Variants in HTR2C observed in about 807,000 individuals in gnomAD.
HTR2C encodes the protein 5-hydroxytryptamine (serotonin) receptor 2C, G protein-coupled.
A neutral mutation model predicts 21.0 loss-of-function variants in HTR2C; 5 were observed. The ratio of observed to expected loss-of-function variants is 0.24; its 90% confidence interval spans 0.12 to 0.50. The LOEUF (loss-of-function observed/expected upper bound fraction) is 0.50. HTR2C is among the 20% of genes least tolerant of loss of function. HTR2C has a pLI of 0.98. For synonymous variants in HTR2C, 150 were observed against 145.3 expected, an observed-to-expected ratio of 1.03 and a Z score of -0.23; for missense variants, 271 against 371.2, an observed-to-expected ratio of 0.73 and a Z score of 2.22.
intron 5 of HTR2C, among the ~76,000 whole-genome samples, chrX:114,891,999 G>T (rs1482910259): frequency 9.0e-6 from 1 of 110,571 alleles, no homozygotes; most frequent in Non-Finnish European, 1.9e-5. Flanking sequence ...AAACATCCTT[G>T]CATTCTTGGG....
chrX:114,847,992 T>C lies in HTR2C; in HGVS notation c.350-11T>C. 1 of 1,185,918 alleles carries C rather than the reference T, an allele frequency of 8.4e-7. No individual in the cohort carries two copies. The highest frequency in any genetic ancestry group is 1.1e-6 in the Non-Finnish European group (1 of 872,995). ...ATGACGTGTTCTTGTCTTCTCTCTGTTCTCTTTCAGATTATGTCTGGCCAC... is the reference window on the plus strand; with the variant it reads ...ATGACGTGTTCTTGTCTTCTCTCTGCTCTCTTTCAGATTATGTCTGGCCAC... On this transcript the variant is annotated splice_polypyrimidine_tract_variant and intron_variant, in intron 4 of 5. Transcript: ENST00000276198.
chrX:114,627,772 A>G (rs1332793880), intron 2 of HTR2C, among the ~76,000 whole-genome samples: 2 of 112,073 alleles, frequency 1.8e-5, no homozygotes, highest in Non-Finnish European at 3.8e-5. Context: ...TAATTTTTTC[A>G]CAAGGATATA....
At chrX:114,737,466 C>T (rs2069602742) in intron 4 of HTR2C, among the ~76,000 whole-genome samples, 1 of 110,705 alleles carries the variant, frequency 9.0e-6, no homozygotes, top group South Asian at 3.8e-4. Context: ...GTGATCCGCC[C>T]GCCTCAGTCT....
chrX:114,599,885 A>G (rs1178711358), intron 1 of HTR2C, among the ~76,000 whole-genome samples: 1 of 111,952 alleles, frequency 8.9e-6, no homozygotes, highest in East Asian at 2.8e-4. Context: ...TGAATTTTCT[A>G]TTTACTCAAA....
In HTR2C at chrX:114,819,821, G is replaced by T. The variant is rs1556455668; in HGVS notation, c.350-28182G>T. ...TTTAATATCACTTGTTTTGAGACCA[G>T]TGCTTGTTTAGCTGCTAGAGAAAAA... On this transcript the variant is annotated intron_variant, in intron 4 of 5. Transcript: ENST00000276198. 2.7e-5 allele frequency among the ~76,000 whole-genome samples: 3 copies of T among 112,528 alleles called. No individual in the cohort carries two copies. The East Asian group carries it at 8.4e-4, about 31-fold the overall frequency.
At chrX:114,879,548 C>G (rs1212405931) in intron 5 of HTR2C, among the ~76,000 whole-genome samples, 1 of 109,633 alleles carries the variant, frequency 9.1e-6, no homozygotes, top group African/African-American at 3.3e-5. Context: ...TTTTGGTGCA[C>G]CCATCACCCA....
intron 4 of HTR2C, among the ~76,000 whole-genome samples, chrX:114,838,110 T>G (rs1487684773): frequency 2.7e-5 from 3 of 111,685 alleles, no homozygotes; most frequent in African/African-American, 9.7e-5. Flanking sequence ...GAAGAACTCT[T>G]GTTTTTTCTG....
intron 2 of HTR2C, among the ~76,000 whole-genome samples, chrX:114,623,014 G>A: frequency 9.0e-6 from 1 of 111,130 alleles, no homozygotes; most frequent in South Asian, 3.8e-4. Flanking sequence ...ACTTAATAGG[G>A]TTTAAAAAAA....
chrX:114,788,781 T>G (rs782220063), intron 4 of HTR2C, among the ~76,000 whole-genome samples: 1 of 110,416 alleles, frequency 9.1e-6, no homozygotes, highest in Admixed American at 9.7e-5. Context: ...CCTGGGTAGC[T>G]GGGACTACAG....
At chrX:114,854,683 A>G (rs1423469948) in intron 5 of HTR2C, among the ~76,000 whole-genome samples, 2 of 111,801 alleles carry the variant, frequency 1.8e-5, no homozygotes, top group Non-Finnish European at 3.8e-5. Context: ...ATTCGTGACT[A>G]AGACCTTGAA....
chrX:114,785,359 C>A (rs1435698164), intron 4 of HTR2C, among the ~76,000 whole-genome samples: 2 of 111,326 alleles, frequency 1.8e-5, no homozygotes, highest in Admixed American at 9.5e-5. Flanking sequence ...TGCAAAAAAT[C>A]CTTAAAGAAT....
chrX:114,831,551 T>C (rs1428894219), intron 4 of HTR2C, among the ~76,000 whole-genome samples: 1 of 90,868 alleles, frequency 1.1e-5, no homozygotes, highest in East Asian at 3.8e-4. Context: ...GGTTGTTTGT[T>C]TTTTTCTTGT....
intron 5 of HTR2C, among the ~76,000 whole-genome samples, chrX:114,901,014 A>G (rs1556485142): frequency 2.7e-5 from 3 of 112,291 alleles, no homozygotes; most frequent in Non-Finnish European, 5.6e-5. Flanking sequence ...GGTAGTTTTG[A>G]TCTTTCCAGA....
At chrX:114,587,957 C>T (rs189478951) in intron 1 of HTR2C, among the ~76,000 whole-genome samples, 10 of 112,180 alleles carry the variant, frequency 8.9e-5, no homozygotes, top group African/African-American at 1.6e-4. Context: ...AATGCACAAA[C>T]GACATAGTGA....
chrX:114,584,899 G>C (rs1414699343), intron 1 of HTR2C, among the ~76,000 whole-genome samples: 1 of 106,784 alleles, frequency 9.4e-6, no homozygotes, highest in Non-Finnish European at 1.9e-5. Context: ...ATTGGGAGCG[G>C]GGGCTCGAGA....
At position 114,716,829 on chromosome X, in the gene HTR2C, C is replaced by G. The variant is rs1379500980; in HGVS notation, c.-79-10029C>G. 2.7e-4 allele frequency among the ~76,000 whole-genome samples: 30 copies of G among 111,087 alleles called. No homozygotes were observed. The Admixed American group carries it at 2.9e-3, about 11-fold the overall frequency. ...GAGCTCCCCCAAAATTATTGTAAATCTGTGCCACATTAATATAATCTTCCC... is the reference window on the plus strand; with the variant it reads ...GAGCTCCCCCAAAATTATTGTAAATGTGTGCCACATTAATATAATCTTCCC... On this transcript the variant is annotated intron_variant, in intron 2 of 5. Coordinates refer to ENST00000276198, the MANE Select transcript of HTR2C (RefSeq NM_000868.4).
intron 4 of HTR2C, among the ~76,000 whole-genome samples, chrX:114,805,899 A>ACAC (rs1556449027): frequency 4.1e-5 from 4 of 98,125 alleles, no homozygotes; most frequent in African/African-American, 1.5e-4. Context: ...CCATATATAT[A>ACAC]CATCATATAT....
Position 114,909,210 on chromosome X carries a change from C to A in HTR2C, c.*1795C>A, listed in dbSNP as rs1222815268. 1 of 112,490 alleles carries A rather than the reference C, an allele frequency of 8.9e-6. No individual in the cohort carries two copies. The highest frequency in any genetic ancestry group is 2.8e-4 in the East Asian group (1 of 3,578). The allele number at this position is 112,490 out of a possible 1,213,427, so 9.3% of individuals were successfully genotyped here. A position where few individuals can be genotyped will look rare whatever the true frequency, so the allele number is the denominator to read the frequency against. The stretch of plus-strand genomic sequence containing the variant: ...TAACATGAAAGTCAAGTCTACCTGC[C>A]TTGCCTGTTAGGTCTGTTGAAGTGC... On this transcript the variant is annotated 3_prime_UTR_variant, in exon 6 of 6. Transcript: ENST00000276198.
chrX:114,708,114 A>G (rs1556418665), intron 2 of HTR2C, among the ~76,000 whole-genome samples: 1 of 111,503 alleles, frequency 9.0e-6, no homozygotes, highest in African/African-American at 3.2e-5. Context: ...TTTCATTACC[A>G]ATCATGTCAC....
Sources: allele counts gnomAD v4.1 joint callset (sites outside exome capture counted in the v4.1 genomes callset), GRCh38; gene constraint gnomAD v4.1.1; transcripts MANE v1.5; gene names NCBI Gene and HGNC (gene_info 2026-07-23, HGNC 2026-07-21).